Variants in POC5 observed in about 807,000 individuals in gnomAD.
POC5 encodes the protein POC5 centriolar protein, also known as centrosomal protein POC5.
POC5 carries 48 observed loss-of-function variants against 62.9 expected under a neutral mutation model. The observed-to-expected ratio is 0.76, with a 90% CI of 0.61 to 0.97. The LOEUF is 0.97. POC5 is among the 50% of genes least tolerant of loss of function. The pLI, the probability that POC5 is intolerant of heterozygous loss-of-function variation, is 0.00. For missense variants in POC5, 696 were observed against 679.5 expected, an observed-to-expected ratio of 1.02 and a Z score of -0.27; for synonymous variants, 236 against 228.2, an observed-to-expected ratio of 1.03 and a Z score of -0.31.
At chr5:75,682,348 G>A (rs752134400) in intron 10 of POC5, among the ~76,000 whole-genome samples, 12 of 152,158 alleles carry the variant, frequency 7.9e-5, no homozygotes, top group African/African-American at 1.7e-4. Context: ...ATCTAGCTCC[G>A]CGTGTGTTAA....
chr5:75,699,519 C>A lies in POC5; in HGVS notation c.513+3086G>T, dbSNP rs939651142. On this transcript the variant is annotated intron_variant, in intron 5 of 11. Coordinates refer to ENST00000428202, the MANE Select transcript of POC5 (RefSeq NM_001099271.2). Reference sequence around the variant, plus strand: ...AAGGCCTTTGACAAAATTCAACAACCCTTCATGCTAAAATCTCTCAATAAA... The same window carrying A: ...AAGGCCTTTGACAAAATTCAACAACACTTCATGCTAAAATCTCTCAATAAA... 3.3e-4 allele frequency among the ~76,000 whole-genome samples: 48 copies of A among 143,430 alleles called. 1 individual carries two copies. The highest frequency in any genetic ancestry group is 3.4e-3 in the Middle Eastern group (1 of 292). 94.1% of individuals were successfully genotyped at this position (143,430 alleles called of 152,430 possible). A position where few individuals can be genotyped will look rare whatever the true frequency, so the allele number is the denominator to read the frequency against.
rs1209189550 is a variant in POC5 at position 75,683,243 on chromosome 5, T to G, written c.1407+1964A>C. On this transcript the variant is annotated intron_variant, in intron 10 of 11. Transcript: ENST00000428202. ...AGGAAAGAAGTTAACAGTGTTGTTT[T>G]TTTTTTTTTTTGAGACAGTCTCGCT... Among the ~76,000 whole-genome samples the G allele has an allele frequency of 3.9e-4, 5 of 12,676 alleles. No homozygotes were observed. The South Asian group carries it at 0.01, about 26-fold the overall frequency. The allele number at this position is 12,676 out of a possible 152,430, so 8.3% of individuals were successfully genotyped here.
At chr5:75,704,642 A>G (rs951731165) in intron 4 of POC5, among the ~76,000 whole-genome samples, 1 of 152,184 alleles carries the variant, frequency 6.6e-6, no homozygotes, top group African/African-American at 2.4e-5. Context: ...CTGCTTTTCA[A>G]TTTAAAAAAT....
At chr5:75,679,352 T>A (rs1775789293) in intron 10 of POC5, among the ~76,000 whole-genome samples, 1 of 152,190 alleles carries the variant, frequency 6.6e-6, no homozygotes, top group South Asian at 2.1e-4. Context: ...TCCAAAGGCA[T>A]TTATTAAGTA....
chr5:75,707,559 C>A, intron 3 of POC5, 178 bp downstream of exon 3: 2 of 481,306 alleles, frequency 4.2e-6, no homozygotes, highest in Non-Finnish European at 7.3e-6. Flanking sequence ...ATCAAGCTGT[C>A]ACACGAGAGT....
Position 75,677,929 on chromosome 5 carries a change from A to G in POC5, c.1429T>C (p.Ser477Pro), listed in dbSNP as rs754896533. 3.1e-6 allele frequency: 5 copies of G among 1,596,162 alleles called. No individual in the cohort carries two copies. Among genetic ancestry groups the G allele is most frequent in the Non-Finnish European group, 4.3e-6 (5 of 1,171,304 alleles). ...EEMYVPRVVT[S>P]AQQKAGRTIT... ...GTTCTTCCTGCTTTCTGTTGTGCAG[A>G]GGTTACAACTCTTGGCACATACTAA... Residue 477 changes from serine to proline, a missense_variant, in exon 11 of 12, where the codon TCT (serine) becomes CCT (proline). By Grantham distance (74) the Ser-to-Pro change is moderately conservative (BLOSUM62 -1). Coordinates refer to ENST00000428202, the MANE Select transcript of POC5 (RefSeq NM_001099271.2).
chr5:75,706,769 TC>T (rs1777138594), intron 3 of POC5, among the ~76,000 whole-genome samples: 2 of 152,256 alleles, frequency 1.3e-5, no homozygotes, highest in South Asian at 4.1e-4. Flanking sequence ...TAGGCTTGTC[TC>T]AACCTCCTGG....
At chr5:75,694,071 G>T (rs992571453) in intron 6 of POC5, among the ~76,000 whole-genome samples, 8 of 152,154 alleles carry the variant, frequency 5.3e-5, no homozygotes, top group African/African-American at 1.9e-4. Flanking sequence ...GGCAGGGGCT[G>T]AGGCAGGAGG....
At chr5:75,715,967 G>T (rs937550369) in intron 1 of POC5, among the ~76,000 whole-genome samples, 1 of 152,178 alleles carries the variant, frequency 6.6e-6, no homozygotes, top group Admixed American at 6.5e-5. Context: ...ATAGAATTTG[G>T]AGATTAGGAG....
chr5:75,713,678 TG>T (rs1309355974), intron 1 of POC5, among the ~76,000 whole-genome samples: 3 of 152,154 alleles, frequency 2.0e-5, no homozygotes, highest in Non-Finnish European at 4.4e-5. Flanking sequence ...CTATTTTTCA[TG>T]GGGTAAGATT....
chr5:75,708,696 T>C (rs1777221716), intron 2 of POC5, among the ~76,000 whole-genome samples: 1 of 152,238 alleles, frequency 6.6e-6, no homozygotes, highest in Non-Finnish European at 1.5e-5. Context: ...TGCTTTTTTA[T>C]ATCGGAATTT....
chr5:75,702,756 A>G lies in POC5; in HGVS notation c.362T>C (p.Phe121Ser). The change falls in exon 5 of 12, where the codon TTC becomes TCC. Residue 121 changes from phenylalanine to serine, a missense_variant. By Grantham distance (155) the Phe-to-Ser change is radical. Transcript: ENST00000428202. ...RKPSHPVMDF[F>S]SSHLLADSSS... ...AGAGTCAGCTAAAAGATGTGAACTG[A>G]AAAAATCCATGACTGGGTGAGAAGG... 1.3e-6 allele frequency: 2 copies of G among 1,598,658 alleles called. No individual in the cohort carries two copies. Among genetic ancestry groups the G allele is most frequent in the Non-Finnish European group, 1.7e-6 (2 of 1,171,938 alleles).
At chr5:75,701,616 T>C (rs1445364884) in intron 5 of POC5, among the ~76,000 whole-genome samples, 2 of 148,512 alleles carry the variant, frequency 1.3e-5, no homozygotes, top group Non-Finnish European at 3.0e-5. Context: ...ATATACCTAA[T>C]GCTAGATGAT....
Position 75,686,078 on chromosome 5 carries a change from A to T in POC5, c.1130-594T>A, listed in dbSNP as rs1383487472. Among the ~76,000 whole-genome samples, 4 of 152,238 alleles carry T rather than the reference A, an allele frequency of 2.6e-5. No homozygotes were observed. The East Asian group carries it at 7.7e-4, about 29-fold the overall frequency. ...CTTGCAGATAAATTATATAAATCAT[A>T]AGAGCATATTTGTGCACCTAACTGA... is the stretch of plus-strand genomic sequence containing the variant. On this transcript the variant is annotated intron_variant, in intron 9 of 11. Transcript: ENST00000428202.
chr5:75,702,570 T>G (rs373238945), intron 5 of POC5, 35 bp downstream of exon 5: 2 of 1,568,862 alleles, frequency 1.3e-6, no homozygotes, highest in African/African-American at 2.7e-5. Flanking sequence ...CATTACATAC[T>G]AAACAACTGT....
intron 4 of POC5, 129 bp downstream of exon 4, chr5:75,705,575 G>T: frequency 1.8e-6 from 1 of 564,360 alleles, no homozygotes. Flanking sequence ...ACTTAAATTA[G>T]CAATAATAGC....
At chr5:75,694,898 A>G in intron 5 of POC5, 67 bp from the exon 6 acceptor site, 1 of 1,107,750 alleles carries the variant, frequency 9.0e-7, no homozygotes, top group Non-Finnish European at 1.3e-6. Context: ...AACTACACTG[A>G]AATAAAGAAA....
At chr5:75,703,839 G>A (rs538901060) in intron 4 of POC5, among the ~76,000 whole-genome samples, 13 of 151,676 alleles carry the variant, frequency 8.6e-5, no homozygotes, top group African/African-American at 3.1e-4. Flanking sequence ...GGGCCCTAAA[G>A]AGAACAGGTA....
At chr5:75,712,514 T>A in intron 2 of POC5, 1 of 1,425,622 alleles carries the variant, frequency 7.0e-7, no homozygotes, top group Non-Finnish European at 9.8e-7. Context: ...GATATTGTAT[T>A]AATTTGCATT....
Sources: allele counts gnomAD v4.1 joint callset (sites outside exome capture counted in the v4.1 genomes callset), GRCh38; gene constraint gnomAD v4.1.1; transcripts MANE v1.5; gene names NCBI Gene and HGNC (gene_info 2026-07-23, HGNC 2026-07-21).